Variants in MAPRE1 observed in about 807,000 individuals in gnomAD.
The protein encoded by MAPRE1 is microtubule associated protein RP/EB family member 1.
A neutral mutation model predicts 32.1 loss-of-function variants in MAPRE1; 5 were observed. That is an observed-to-expected ratio of 0.16 (90% confidence interval 0.08 to 0.33). MAPRE1 has a LOEUF of 0.33. Among genes scored for constraint, MAPRE1 ranks in the 10% least tolerant of loss-of-function variants. The pLI, the probability that MAPRE1 is intolerant of heterozygous loss-of-function variation, is 1.00. For synonymous variants in MAPRE1, 122 were observed against 118.9 expected, an observed-to-expected ratio of 1.03 and a Z score of -0.17; for missense variants, 209 against 327.2, an observed-to-expected ratio of 0.64 and a Z score of 2.79.
chr20:32,829,731 A>G (rs1250074644), intron 2 of MAPRE1, among the ~76,000 whole-genome samples: 1 of 152,226 alleles, frequency 6.6e-6, no homozygotes, highest in Non-Finnish European at 1.5e-5. Context: ...TGAAGTGGCC[A>G]AATTTTGTCA....
chr20:32,844,039 A>G (rs1983436083), intron 5 of MAPRE1, among the ~76,000 whole-genome samples: 1 of 152,020 alleles, frequency 6.6e-6, no homozygotes, highest in Non-Finnish European at 1.5e-5. Flanking sequence ...TTTTTAGTAG[A>G]GACAGGGTTT....
intron 1 of MAPRE1, among the ~76,000 whole-genome samples, chr20:32,821,712 C>G (rs747721750): frequency 1.6e-4 from 25 of 152,218 alleles, no homozygotes; most frequent in Non-Finnish European, 1.9e-4. Context: ...GTGGCACCTC[C>G]TTCCCCCACT....
intron 6 of MAPRE1, among the ~76,000 whole-genome samples, chr20:32,847,957 A>C (rs1983548996): frequency 6.6e-6 from 1 of 152,196 alleles, no homozygotes; most frequent in African/African-American, 2.4e-5. Flanking sequence ...GGAAGGCATA[A>C]AAGGAAAGCT....
At chr20:32,828,932 G>C (rs1982942073) in intron 2 of MAPRE1, among the ~76,000 whole-genome samples, 1 of 151,896 alleles carries the variant, frequency 6.6e-6, no homozygotes, top group African/African-American at 2.4e-5. Flanking sequence ...TGTGAGGTTT[G>C]TCAGTTGTTT....
At chr20:32,829,824 G>A (rs1982969135) in intron 2 of MAPRE1, among the ~76,000 whole-genome samples, 1 of 152,190 alleles carries the variant, frequency 6.6e-6, no homozygotes, top group Non-Finnish European at 1.5e-5. Context: ...ATAACTTTCA[G>A]TGAAAGATTT....
At position 32,848,752 on chromosome 20, in the gene MAPRE1, TC is replaced by T. The variant is rs1983573219; in HGVS notation, c.*25del. On this transcript the variant is annotated 3_prime_UTR_variant, in exon 7 of 7. Coordinates refer to ENST00000375571, the MANE Select transcript of MAPRE1 (RefSeq NM_012325.3). ...AACAGCCTGGACCAGCAGAGCAACATCGGAATTCTTCACTCCAAATCATGTG... is the reference window on the plus strand; with the variant it reads ...AACAGCCTGGACCAGCAGAGCAACATGGAATTCTTCACTCCAAATCATGTG... The T allele has an allele frequency of 6.3e-7, 1 of 1,595,474 alleles. No individual in the cohort carries two copies. Among genetic ancestry groups the T allele is most frequent in the Admixed American group, 1.7e-5 (1 of 58,314 alleles).
chr20:32,836,554 A>T, intron 3 of MAPRE1, 80 bp from the exon 4 acceptor site: 1 of 792,316 alleles, frequency 1.3e-6, no homozygotes, highest in Non-Finnish European at 2.1e-6. Context: ...GCAGAGCTTT[A>T]TAATGAATTG....
intron 4 of MAPRE1, among the ~76,000 whole-genome samples, chr20:32,839,048 A>G (rs535757663): frequency 2.0e-5 from 3 of 152,312 alleles, no homozygotes; most frequent in East Asian, 3.9e-4. Flanking sequence ...AGAGACGTCT[A>G]TAAATACTAG....
intron 5 of MAPRE1, among the ~76,000 whole-genome samples, chr20:32,846,182 T>C (rs1983500214): frequency 6.6e-6 from 1 of 152,158 alleles, no homozygotes; most frequent in South Asian, 2.1e-4. Context: ...CAGAGCACTT[T>C]CCATTGGGCT....
At chr20:32,821,024 CT>C (rs35886111) in intron 1 of MAPRE1, among the ~76,000 whole-genome samples, 2,334 of 140,522 alleles carry the variant, frequency 0.017, 36 homozygotes, top group African/African-American at 0.051. Context: ...TCTCTTCTTC[CT>C]TTTTTTTTTT....
At position 32,849,920 on chromosome 20, in the gene MAPRE1, G is replaced by A. The variant is rs1342144286; in HGVS notation, c.*1192G>A. 6.6e-6 allele frequency: 1 copy of A among 152,490 alleles called. No homozygotes were observed. The highest frequency in any genetic ancestry group is 6.6e-5 in the Admixed American group (1 of 15,258). The allele number at this position is 152,490 out of a possible 1,614,324, so 9.4% of individuals were successfully genotyped here. A position where few individuals can be genotyped will look rare whatever the true frequency, so the allele number is the denominator to read the frequency against. On this transcript the variant is annotated 3_prime_UTR_variant, in exon 7 of 7. Coordinates refer to ENST00000375571, the MANE Select transcript of MAPRE1 (RefSeq NM_012325.3). ...TGTTACTAAATGTTAATTTTCTTTT[G>A]CGGAAAATACAGTACCGTGTCTGAA... is the stretch of plus-strand genomic sequence containing the variant.
intron 1 of MAPRE1, among the ~76,000 whole-genome samples, chr20:32,820,873 G>C (rs1033484837): frequency 6.6e-6 from 1 of 152,184 alleles, no homozygotes; most frequent in Non-Finnish European, 1.5e-5. Flanking sequence ...CCGGGCATCC[G>C]CTTCTCCGAT....
intron 2 of MAPRE1, among the ~76,000 whole-genome samples, chr20:32,830,890 A>G (rs2146126550): frequency 6.6e-6 from 1 of 151,926 alleles, no homozygotes; most frequent in African/African-American, 2.4e-5. Flanking sequence ...CACCCGGCTA[A>G]TTTTTTTGTA....
intron 3 of MAPRE1, among the ~76,000 whole-genome samples, chr20:32,836,302 G>A (rs1000789151): frequency 4.6e-5 from 7 of 152,228 alleles, no homozygotes; most frequent in Admixed American, 2.0e-4. Context: ...GTTATATAGC[G>A]GACCTACTCT....
At chr20:32,821,085 C>T (rs1024747599) in intron 1 of MAPRE1, among the ~76,000 whole-genome samples, 7 of 149,898 alleles carry the variant, frequency 4.7e-5, no homozygotes, top group Non-Finnish European at 7.4e-5. Flanking sequence ...GTGGCACCAT[C>T]GCTCACTGCA....
rs764931834 is a variant in MAPRE1 at position 32,833,743 on chromosome 20, A to C, written c.148A>C (p.Met50Leu). 6.8e-6 allele frequency: 11 copies of C among 1,613,782 alleles called. No homozygotes were observed. Among genetic ancestry groups the C allele is most frequent in the Non-Finnish European group, 9.3e-6 (11 of 1,179,932 alleles). Reference sequence around the variant, plus strand: ...GGCTGCGTATTGTCAGTTTATGGACATGCTGTTCCCTGGCTCCATTGCCTT... The same window carrying C: ...GGCTGCGTATTGTCAGTTTATGGACCTGCTGTTCCCTGGCTCCATTGCCTT... Reference protein sequence around the residue: ...SGAAYCQFMDMLFPGSIALKK... With the variant: ...SGAAYCQFMDLLFPGSIALKK... The change falls in exon 3 of 7, where the codon ATG (methionine) becomes CTG (leucine). Residue 50 changes from methionine to leucine, a missense_variant. By Grantham distance (15) the Met-to-Leu change is conservative (BLOSUM62 2). Around this residue, in one of 3 missense-constraint regions of MAPRE1, gnomAD observed 67 missense variants for 140.0 expected, o/e 0.48. Coordinates refer to ENST00000375571, the MANE Select transcript of MAPRE1 (RefSeq NM_012325.3).
Position 32,826,019 on chromosome 20 carries a change from A to G in MAPRE1, c.92A>G (p.Asn31Ser). Residue 31 changes from asparagine to serine, a missense_variant, in exon 2 of 7, where the codon AAT becomes AGT. Around this residue, in one of 3 missense-constraint regions of MAPRE1, gnomAD observed 67 missense variants for 140.0 expected, o/e 0.48. Coordinates refer to ENST00000375571, the MANE Select transcript of MAPRE1 (RefSeq NM_012325.3). ...LAWINESLQL[N>S]LTKIEQLCSG... The stretch of plus-strand genomic sequence containing the variant: ...TGGATCAATGAGTCTCTGCAGTTGA[A>G]TCTGACAAAGATCGAACAGTTGTGC... The G allele has an allele frequency of 6.2e-7, 1 of 1,608,650 alleles. No homozygotes were observed. Among genetic ancestry groups the G allele is most frequent in the Non-Finnish European group, 8.5e-7 (1 of 1,175,750 alleles).
In MAPRE1 at chr20:32,839,794, G is replaced by A. The variant is rs372041005; in HGVS notation, c.535G>A (p.Val179Met). ...TGCGGCTCCTAAGGCTGGCCCTGGTGTGGTGCGAAAGAACCCTGGTGTGGG... is the reference window on the plus strand; with the variant it reads ...TGCGGCTCCTAAGGCTGGCCCTGGTATGGTGCGAAAGAACCCTGGTGTGGG... ...TAAAPKAGPG[V>M]VRKNPGVGNG... The change falls in exon 5 of 7, where the codon GTG becomes ATG. Residue 179 changes from valine (V) to methionine (M), a missense_variant. Coordinates refer to ENST00000375571, the MANE Select transcript of MAPRE1 (RefSeq NM_012325.3). 1.9e-6 allele frequency: 3 copies of A among 1,614,248 alleles called. No homozygotes were observed. The highest frequency in any genetic ancestry group is 2.5e-6 in the Non-Finnish European group (3 of 1,180,048).
At chr20:32,842,810 G>A in intron 5 of MAPRE1, among the ~76,000 whole-genome samples, 1 of 152,208 alleles carries the variant, frequency 6.6e-6, no homozygotes, top group East Asian at 1.9e-4. Flanking sequence ...GGTTACGGAA[G>A]GCAAGAACCA....
Sources: allele counts gnomAD v4.1 joint callset (sites outside exome capture counted in the v4.1 genomes callset), GRCh38; gene constraint gnomAD v4.1.1; regional missense constraint gnomAD v4.1.1; transcripts MANE v1.5; gene names NCBI Gene and HGNC (gene_info 2026-07-23, HGNC 2026-07-21).